LTA4H: variants seen among roughly 807,000 people sequenced by gnomAD.
LTA4H encodes the protein leukotriene A4 hydrolase.
A neutral mutation model predicts 89.8 loss-of-function variants in LTA4H; 59 were observed. The ratio of observed to expected loss-of-function variants is 0.66; its 90% CI spans 0.53 to 0.82. LTA4H has a LOEUF of 0.82. Among genes scored for constraint, LTA4H ranks in the 40% least tolerant of loss-of-function variants. LTA4H has a pLI of 0.00. For missense variants in LTA4H, 617 were observed against 727.0 expected (o/e 0.85, Z 1.74); for synonymous variants, 227 against 253.1 (o/e 0.90, Z 0.98).
intron 12 of LTA4H, 76 bp downstream of exon 12, chr12:96,014,779 A>T: frequency 7.4e-7 from 1 of 1,359,970 alleles, no homozygotes. Flanking sequence ...GGAACAAAAC[A>T]ATAGTTTACA....
At position 96,008,965 on chromosome 12, in the gene LTA4H, A is replaced by G. The variant is rs548068974; in HGVS notation, c.1434+129T>C. ...GAGAGTAGATATAATATCACCTTAG[A>G]TAAACCTGACTTTCAAATAGCCTTT... is the stretch of plus-strand genomic sequence containing the variant. On this transcript the variant is annotated intron_variant, in intron 15 of 18. Transcript: ENST00000228740. The G allele has an allele frequency of 1.8e-5, 13 of 720,946 alleles. No individual in the cohort carries two copies. In the South Asian group the frequency reaches 2.0e-4, roughly 11 times the overall value. 44.7% of individuals were successfully genotyped at this position (720,946 alleles called of 1,614,324 possible).
intron 1 of LTA4H, among the ~76,000 whole-genome samples, chr12:96,033,898 A>G (rs1323227827): frequency 6.6e-6 from 1 of 152,250 alleles, no homozygotes; most frequent in Non-Finnish European, 1.5e-5. Context: ...CTTCAAGAAG[A>G]CCAAAGTGCG....
intron 1 of LTA4H, chr12:96,043,209 C>T (rs1252211831): frequency 9.9e-7 from 1 of 1,006,710 alleles, no homozygotes; most frequent in Non-Finnish European, 1.5e-6. Flanking sequence ...TCGGGTAGAC[C>T]CGGGAGGTGA....
intron 1 of LTA4H, among the ~76,000 whole-genome samples, chr12:96,031,343 T>G (rs1176327647): frequency 6.6e-6 from 1 of 152,206 alleles, no homozygotes; most frequent in Non-Finnish European, 1.5e-5. Flanking sequence ...AAATGCAATG[T>G]TTAAGCTGTA....
chr12:96,025,866 G>A (rs1019668501), intron 3 of LTA4H, among the ~76,000 whole-genome samples: 18 of 150,702 alleles, frequency 1.2e-4, no homozygotes, highest in Non-Finnish European at 7.4e-5. Flanking sequence ...TCTTATACCC[G>A]GTCTGTTTAC....
At chr12:96,001,253 C>G (rs1950097457) in intron 18 of LTA4H, 147 bp from the exon 19 acceptor site, 1 of 615,764 alleles carries the variant, frequency 1.6e-6, no homozygotes, top group Admixed American at 2.7e-5. Context: ...AAGTCAATAC[C>G]CAAGATTAAA....
chr12:96,037,638 A>G (rs117536290), upstream of LTA4H, among the ~76,000 whole-genome samples: 3,252 of 151,430 alleles, frequency 0.021, 52 homozygotes, highest in South Asian at 0.038. Flanking sequence ...TGCTTGGCCA[A>G]TGTGAGAAGG....
At chr12:96,030,180 C>T (rs115412225) in intron 1 of LTA4H, among the ~76,000 whole-genome samples, 67 of 152,280 alleles carry the variant, frequency 4.4e-4, no homozygotes, top group African/African-American at 1.6e-3. Context: ...TTTGCCTGTA[C>T]GCATACATCA....
intron 1 of LTA4H, 63 bp downstream of exon 1, chr12:96,035,298 G>T: frequency 6.6e-7 from 1 of 1,506,042 alleles, no homozygotes; most frequent in Non-Finnish European, 8.9e-7. Flanking sequence ...GAGCCCGCAA[G>T]GACTAGGGTC....
At chr12:96,021,795 T>C (rs984861685) in intron 5 of LTA4H, among the ~76,000 whole-genome samples, 1 of 152,092 alleles carries the variant, frequency 6.6e-6, no homozygotes, top group African/African-American at 2.4e-5. Flanking sequence ...TCTTGACTCC[T>C]CCATTTGTAA....
At chr12:96,013,089 A>C (rs1370434464) in intron 14 of LTA4H, 99 bp downstream of exon 14, 1 of 890,892 alleles carries the variant, frequency 1.1e-6, no homozygotes, top group Non-Finnish European at 1.8e-6. Flanking sequence ...ATCATTTACT[A>C]GTAACAGTTT....
At chr12:96,038,779 C>G (rs1450922514), upstream of LTA4H, among the ~76,000 whole-genome samples, 1 of 146,862 alleles carries the variant, frequency 6.8e-6, no homozygotes, top group Non-Finnish European at 1.5e-5. Context: ...TCTTATTTAT[C>G]TAGTATGGAG....
chr12:96,042,505 T>A (rs1950695491), intron 1 of LTA4H, among the ~76,000 whole-genome samples: 1 of 151,932 alleles, frequency 6.6e-6, no homozygotes, highest in African/African-American at 2.4e-5. Flanking sequence ...GGAGACAAGA[T>A]AAGGATAATC....
chr12:96,027,401 C>T, intron 3 of LTA4H, 43 bp downstream of exon 3: 2 of 1,543,450 alleles, frequency 1.3e-6, no homozygotes, highest in Non-Finnish European at 1.7e-6. Context: ...ACCATAGGTG[C>T]TGAAATTTTC....
intron 10 of LTA4H, among the ~76,000 whole-genome samples, chr12:96,016,298 CA>C (rs762615863): frequency 2.2e-3 from 122 of 55,618 alleles, no homozygotes; most frequent in East Asian, 4.6e-3. Flanking sequence ...GACTCCATCT[CA>C]AAAAAAAAAA....
chr12:96,043,167 C>A, intron 1 of LTA4H: 1 of 671,182 alleles, frequency 1.5e-6, no homozygotes, highest in South Asian at 1.8e-5. Context: ...CTCCCTGACG[C>A]AACCTGCAGT....
At position 96,013,594 on chromosome 12, in the gene LTA4H, G is replaced by T. The variant is rs560571667; in HGVS notation, c.1308+156C>A. On this transcript the variant is annotated intron_variant, in intron 13 of 18. Coordinates refer to ENST00000228740, the MANE Select transcript of LTA4H (RefSeq NM_000895.3). ...GAAAATTCTACAGGTAGTTCATGTG[G>T]TTAAGATCACATTTAAAATAGAAAA... Among the ~76,000 whole-genome samples, 3 of 152,116 alleles carry T rather than the reference G, an allele frequency of 2.0e-5. No homozygotes were observed. In the South Asian group the frequency reaches 6.2e-4, roughly 32 times the overall value.
chr12:96,015,717 A>T (rs1950364798), intron 10 of LTA4H, 23 bp from the exon 11 acceptor site: 3 of 1,363,448 alleles, frequency 2.2e-6, no homozygotes, highest in Non-Finnish European at 3.1e-6. Flanking sequence ...TATTTTAATA[A>T]AAACACGGAC....
intron 1 of LTA4H, among the ~76,000 whole-genome samples, chr12:96,041,902 A>G (rs1950689494): frequency 6.6e-6 from 1 of 151,912 alleles, no homozygotes; most frequent in African/African-American, 2.4e-5. Flanking sequence ...CAGCCTCCCA[A>G]AGTGCTGGGA....
Sources: gnomAD v4.1 joint callset for allele counts (sites outside exome capture counted in the v4.1 genomes callset) on GRCh38, gnomAD v4.1.1 for gene constraint, MANE v1.5 for transcripts, NCBI Gene and HGNC (gene_info 2026-07-23, HGNC 2026-07-21) for gene names.